The following ZBTB48 variants were observed in gnomAD, a reference collection of about 807,000 sequenced individuals.
The protein encoded by ZBTB48 is zinc finger and BTB domain containing 48, also known as zinc finger and BTB domain-containing protein 48.
Under a neutral mutation model 64.5 loss-of-function variants are expected in ZBTB48, and 35 were observed. The ratio of observed to expected loss-of-function variants is 0.54; its 90% CI spans 0.41 to 0.72. The LOEUF (loss-of-function observed/expected upper bound fraction) is 0.72. Among genes scored for constraint, ZBTB48 ranks in the 30% least tolerant of loss-of-function variants. The pLI, the probability that ZBTB48 is intolerant of heterozygous loss-of-function variation, is 0.00. For synonymous variants in ZBTB48, 442 were observed against 356.7 expected (o/e 1.24, Z -2.70); for missense variants, 828 against 895.3 (o/e 0.92, Z 0.96).
intron 3 of ZBTB48, chr1:6,585,395 T>A (rs552937374): frequency 6.4e-6 from 1 of 157,242 alleles, no homozygotes; most frequent in South Asian, 1.9e-4. Flanking sequence ...GGGGAAGCAC[T>A]GGGGATACGT....
In ZBTB48 at chr1:6,585,989, C is replaced by G. The variant is rs1248778702; in HGVS notation, c.1003C>G (p.Leu335Val). 1.9e-6 allele frequency: 3 copies of G among 1,614,144 alleles called. No homozygotes were observed. The highest frequency in any genetic ancestry group is 2.5e-6 in the Non-Finnish European group (3 of 1,179,976). Residue 335 changes from leucine (L) to valine (V), a missense_variant, in exon 4 of 11, where the codon CTG (leucine) becomes GTG (valine). Coordinates refer to ENST00000377674, the MANE Select transcript of ZBTB48 (RefSeq NM_005341.4). ...GTGTTACTTTCGGAAGGAGAACCTCCTGGAGCATGAAGCCCGGAATTGCAT... is the reference window on the plus strand; with the variant it reads ...GTGTTACTTTCGGAAGGAGAACCTCGTGGAGCATGAAGCCCGGAATTGCAT... ...GKCYFRKENL[L>V]EHEARNCMNR... is the part of the protein sequence containing the mutation.
rs369912844 is a variant in ZBTB48 at position 6,585,928 on chromosome 1, T to C, written c.942T>C (p.Thr314=). 9 of 1,613,856 alleles carry C rather than the reference T, an allele frequency of 5.6e-6. No homozygotes were observed. The highest frequency in any genetic ancestry group is 6.8e-6 in the Non-Finnish European group (8 of 1,179,924). Residue 314 remains threonine, a synonymous_variant, in exon 4 of 11, where the codon ACT becomes ACC. Coordinates refer to ENST00000377674, the MANE Select transcript of ZBTB48 (RefSeq NM_005341.4). The part of the protein sequence containing the change: ...YYLKVHNRKH[T]GEKPFECPKC... The stretch of plus-strand genomic sequence containing the variant: ...TGGCTTCTCCTGGCAGGAAACATAC[T>C]GGGGAGAAACCCTTTGAGTGTCCCA...
In ZBTB48 at chr1:6,580,640, AG is replaced by A; in HGVS notation, c.34del (p.Val12PhefsTer97). On this transcript the variant is annotated frameshift_variant, in exon 2 of 11. Coordinates refer to ENST00000377674, the MANE Select transcript of ZBTB48 (RefSeq NM_005341.4). LOFTEE classifies it high-confidence loss of function. The surrounding 1 kb of genome is among the most constrained non-coding windows in gnomAD (Gnocchi z 5.2). ...CGGCTCCTTCGTCCAGCACAGTGTG[AG>A]GGTTCTGCAGGAGCTCAACAAGCAG... MDGSFVQHSV[R>X]VLQELNKQRE... 1 of 1,613,818 alleles carries A rather than the reference AG, an allele frequency of 6.2e-7. No individual in the cohort carries two copies. The highest frequency in any genetic ancestry group is 1.3e-5 in the African/African-American group (1 of 74,986).
At chr1:6,585,348 T>G (rs1640620468) in intron 3 of ZBTB48, 2 of 154,464 alleles carry the variant, frequency 1.3e-5, no homozygotes, top group African/African-American at 4.8e-5. Context: ...GAGGGCTGCC[T>G]GCGCCTTGAT....
rs1209615736 is a variant in ZBTB48 at position 6,589,209 on chromosome 1, A to G, written c.2064A>G (p.Thr688=). The part of the protein sequence containing the change: ...ITAAVPEDCD[T] ...CTGCTGTCCCCGAGGACTGTGACAC[A>G]TAGCCCATTCTGGCCACCAGAGCCC... is the stretch of plus-strand genomic sequence containing the variant. Residue 688 remains threonine, a synonymous_variant, in exon 11 of 11, where the codon ACA becomes ACG. Transcript: ENST00000377674. The G allele has an allele frequency of 2.0e-6, 3 of 1,507,442 alleles. No homozygotes were observed. Among genetic ancestry groups the G allele is most frequent in the East Asian group, 2.3e-5 (1 of 43,178 alleles). 93.4% of individuals were successfully genotyped at this position (1,507,442 alleles called of 1,614,324 possible). A position where few individuals can be genotyped will look rare whatever the true frequency, so the allele number is the denominator to read the frequency against.
Position 6,580,236 on chromosome 1 carries a change from C to T in ZBTB48, c.-70+100C>T, listed in dbSNP as rs1409086442. 1 of 219,236 alleles carries T rather than the reference C, an allele frequency of 4.6e-6. No homozygotes were observed. Among genetic ancestry groups the T allele is most frequent in the Non-Finnish European group, 9.2e-6 (1 of 108,320 alleles). 13.6% of individuals were successfully genotyped at this position (219,236 alleles called of 1,614,324 possible). On this transcript the variant is annotated intron_variant, in intron 1 of 10. Coordinates refer to ENST00000377674, the MANE Select transcript of ZBTB48 (RefSeq NM_005341.4). This position sits in a 1 kb window ranked among gnomAD's most constrained non-coding sequence, Gnocchi z 5.2. ...CTGTGGGCGCGGCGTGGGCTTCGCT[C>T]ACCTGTCCCCGGCTGCCGCCCTCCG...
Position 6,580,814 on chromosome 1 carries a change from T to C in ZBTB48, c.205T>C (p.Phe69Leu), listed in dbSNP as rs1238310647. The change falls in exon 2 of 11, where the codon TTC becomes CTC. Residue 69 changes from phenylalanine to leucine, a missense_variant. Transcript: ENST00000377674. This position sits in a 1 kb window ranked among gnomAD's most constrained non-coding sequence, Gnocchi z 5.2. ...GGGCAGTGTCGTCCTCCCTGCTGGC[T>C]TCGCTGAGATCTTTGGCCTCTTGTT... ...SGGSVVLPAG[F>L]AEIFGLLLDF... is the part of the protein sequence containing the mutation. 4 of 1,614,220 alleles carry C rather than the reference T, an allele frequency of 2.5e-6. No homozygotes were observed. Among genetic ancestry groups the C allele is most frequent in the South Asian group, 1.1e-5 (1 of 91,092 alleles).
In ZBTB48 at chr1:6,580,243, C is replaced by G. The variant is rs937550445; in HGVS notation, c.-70+107C>G. ...CGCGGCGTGGGCTTCGCTCACCTGT[C>G]CCCGGCTGCCGCCCTCCGCCGTCCG... On this transcript the variant is annotated intron_variant, in intron 1 of 10. Coordinates refer to ENST00000377674, the MANE Select transcript of ZBTB48 (RefSeq NM_005341.4). The surrounding 1 kb of genome is among the most constrained non-coding windows in gnomAD (Gnocchi z 5.2). 2.6e-4 allele frequency: 59 copies of G among 225,880 alleles called. No individual in the cohort carries two copies. Among genetic ancestry groups the G allele is most frequent in the Non-Finnish European group, 4.5e-4 (51 of 112,380 alleles). 14.0% of individuals were successfully genotyped at this position (225,880 alleles called of 1,614,324 possible). A position where few individuals can be genotyped will look rare whatever the true frequency, so the allele number is the denominator to read the frequency against.
rs5772241 is a variant in ZBTB48 at position 6,580,376 on chromosome 1, TC to T, written c.-69-163del. ...CCTTCTTCACGACCCTGGCCCCCCA[TC>T]CAGCATCCCCCCTGGCCAATCCAAT... On this transcript the variant is annotated intron_variant, in intron 1 of 10. Coordinates refer to ENST00000377674, the MANE Select transcript of ZBTB48 (RefSeq NM_005341.4). This position sits in a 1 kb window ranked among gnomAD's most constrained non-coding sequence, Gnocchi z 5.2. Among the ~76,000 whole-genome samples, 26,810 of 151,796 alleles carry T rather than the reference TC, an allele frequency of 0.18. 2,442 individuals carry two copies. The highest frequency in any genetic ancestry group is 0.2 in the Middle Eastern group (60 of 294).
intron 3 of ZBTB48, 105 bp from the exon 4 acceptor site, chr1:6,585,814 C>A: frequency 9.2e-7 from 1 of 1,086,696 alleles, no homozygotes; most frequent in Non-Finnish European, 1.4e-6. Flanking sequence ...GCCGGTGTCA[C>A]CTGAGAACAC....
rs573579611 is a variant in ZBTB48 at position 6,581,954 on chromosome 1, A to G, written c.691-104A>G. The stretch of plus-strand genomic sequence containing the variant: ...CTGAAGGAACTTGTCTGATGAAGGG[A>G]CTTGTCAGGGTTGGGGCTTGGGATG... On this transcript the variant is annotated intron_variant, in intron 2 of 10. Coordinates refer to ENST00000377674, the MANE Select transcript of ZBTB48 (RefSeq NM_005341.4). 13 of 1,529,592 alleles carry G rather than the reference A, an allele frequency of 8.5e-6. No individual in the cohort carries two copies. The South Asian group carries it at 1.3e-4, about 16-fold the overall frequency. 94.8% of individuals were successfully genotyped at this position (1,529,592 alleles called of 1,614,324 possible). A position where few individuals can be genotyped will look rare whatever the true frequency, so the allele number is the denominator to read the frequency against.
In ZBTB48 at chr1:6,580,912, G is replaced by A. The variant is rs1640423544; in HGVS notation, c.303G>A (p.Glu101=). 1 of 1,614,088 alleles carries A rather than the reference G, an allele frequency of 6.2e-7. No individual in the cohort carries two copies. Among genetic ancestry groups the A allele is most frequent in the Non-Finnish European group, 8.5e-7 (1 of 1,180,048 alleles). The part of the protein sequence containing the change: ...NRDQVLLAAR[E]LRVPEAVELC... Reference sequence around the variant, plus strand: ...ATCAGGTGCTCCTGGCAGCCAGGGAGTTGCGAGTGCCAGAGGCCGTAGAGC... The same window carrying A: ...ATCAGGTGCTCCTGGCAGCCAGGGAATTGCGAGTGCCAGAGGCCGTAGAGC... Residue 101 remains glutamate (E), a synonymous_variant, in exon 2 of 11, where the codon GAG becomes GAA. Transcript: ENST00000377674. The surrounding 1 kb of genome is among the most constrained non-coding windows in gnomAD (Gnocchi z 5.2).
rs11587737 is a variant in ZBTB48, at chr1:6,585,219, G to C, written c.933-700G>C. ...CAAGTGGGTGACTGGGGAGCATCTG[G>C]GCAGAGAGAAGAGCCAGGGCGCTGG... On this transcript the variant is annotated intron_variant, in intron 3 of 10. Coordinates refer to ENST00000377674, the MANE Select transcript of ZBTB48 (RefSeq NM_005341.4). 4.6e-3 allele frequency: 701 copies of C among 152,838 alleles called. 2 individuals are homozygous for C. The highest frequency in any genetic ancestry group is 0.018 in the South Asian group (89 of 4,840). 9.5% of individuals were successfully genotyped at this position (152,838 alleles called of 1,614,324 possible). A position where few individuals can be genotyped will look rare whatever the true frequency, so the allele number is the denominator to read the frequency against.
chr1:6,581,157 G>A lies in ZBTB48; in HGVS notation c.548G>A (p.Ser183Asn). ...CCCCAGCTCCATTCCCCAGCTCAGA[G>A]TGAGGGCCCCTCCTCCCTCTGTGGG... ...QRPQLHSPAQSEGPSSLCGKL... is the reference protein window; with the variant it reads ...QRPQLHSPAQNEGPSSLCGKL... Residue 183 changes from serine (S) to asparagine (N), a missense_variant, in exon 2 of 11, where the codon AGT becomes AAT. Ser to Asn is a conservative substitution (Grantham distance 46). Transcript: ENST00000377674. 1 of 1,613,538 alleles carries A rather than the reference G, an allele frequency of 6.2e-7. No individual in the cohort carries two copies. Among genetic ancestry groups the A allele is most frequent in the Non-Finnish European group, 8.5e-7 (1 of 1,180,034 alleles).
chr1:6,587,931 G>A lies in ZBTB48; in HGVS notation c.1380-129G>A, dbSNP rs777007675. 2.4e-4 allele frequency: 314 copies of A among 1,309,048 alleles called. 1 individual carries two copies. The highest frequency in any genetic ancestry group is 3.1e-4 in the Non-Finnish European group (300 of 958,986). 81.1% of individuals were successfully genotyped at this position (1,309,048 alleles called of 1,614,324 possible). ...TCATAGATTGTCCTTCTGCTCTCGG[G>A]GTGGAGGTGGTGCCCCTTTCCTAGC... On this transcript the variant is annotated intron_variant, in intron 7 of 10. Transcript: ENST00000377674.
Position 6,580,391 on chromosome 1 carries a change from G to C in ZBTB48, c.-69-150G>C, listed in dbSNP as rs1570150769. ...TGGCCCCCCATCCAGCATCCCCCCT[G>C]GCCAATCCAATATGGCCCCCGGCCC... On this transcript the variant is annotated intron_variant, in intron 1 of 10. Coordinates refer to ENST00000377674, the MANE Select transcript of ZBTB48 (RefSeq NM_005341.4). The surrounding 1 kb of genome is among the most constrained non-coding windows in gnomAD (Gnocchi z 5.2). The C allele has an allele frequency of 1.7e-6, 1 of 593,588 alleles. No homozygotes were observed. Among genetic ancestry groups the C allele is most frequent in the South Asian group, 2.1e-5 (1 of 47,322 alleles). The allele number at this position is 593,588 out of a possible 1,614,324, so 36.8% of individuals were successfully genotyped here. A position where few individuals can be genotyped will look rare whatever the true frequency, so the allele number is the denominator to read the frequency against.
rs767377141 is a variant in ZBTB48, at chr1:6,588,911, G to A, written c.1771-5G>A. On this transcript the variant is annotated splice_polypyrimidine_tract_variant and splice_region_variant and intron_variant, in intron 10 of 10. Transcript: ENST00000377674. The stretch of plus-strand genomic sequence containing the variant: ...CCAAAGTTCTGAGCTCACCCTCCCC[G>A]CCAGGCCCACCTGCGGAGGCACATG... The A allele has an allele frequency of 5.6e-6, 9 of 1,613,486 alleles. No individual in the cohort carries two copies. Among genetic ancestry groups the A allele is most frequent in the East Asian group, 4.5e-5 (2 of 44,888 alleles).
In ZBTB48 at chr1:6,586,648, C is replaced by T. The variant is rs749928068; in HGVS notation, c.1045-47C>T. 13 of 1,495,920 alleles carry T rather than the reference C, an allele frequency of 8.7e-6. No homozygotes were observed. The South Asian group carries it at 1.8e-4, about 21-fold the overall frequency. 92.7% of individuals were successfully genotyped at this position (1,495,920 alleles called of 1,614,324 possible). A position where few individuals can be genotyped will look rare whatever the true frequency, so the allele number is the denominator to read the frequency against. On this transcript the variant is annotated intron_variant, in intron 4 of 10. Coordinates refer to ENST00000377674, the MANE Select transcript of ZBTB48 (RefSeq NM_005341.4). ...CCCGGGCAGAGGCTGCTGTCATAGGCAGAGGCCCCCGCTGATGCCGGCCCT... is the reference window on the plus strand; with the variant it reads ...CCCGGGCAGAGGCTGCTGTCATAGGTAGAGGCCCCCGCTGATGCCGGCCCT...
In ZBTB48 at chr1:6,586,705, GCT is replaced by G. The variant is rs1309090100; in HGVS notation, c.1058_1059del (p.Ser353CysfsTer73). ...CCCTCACACTGCCAGGTCTTCACGTGCTCTGTGTGCCAGGAGACATTCCGCCG... is the reference window on the plus strand; with the variant it reads ...CCCTCACACTGCCAGGTCTTCACGTGCTGTGTGCCAGGAGACATTCCGCCG... On this transcript the variant is annotated frameshift_variant, in exon 5 of 11. Transcript: ENST00000377674. LOFTEE classifies it high-confidence loss of function. The G allele has an allele frequency of 6.4e-7, 1 of 1,559,890 alleles. No individual in the cohort carries two copies. Among genetic ancestry groups the G allele is most frequent in the Non-Finnish European group, 8.7e-7 (1 of 1,151,654 alleles).
Sources: gnomAD v4.1 joint callset for allele counts (sites outside exome capture counted in the v4.1 genomes callset) on GRCh38, gnomAD v4.1.1 for gene constraint, Gnocchi (gnomAD v3.1) non-coding constraint, MANE v1.5 for transcripts, NCBI Gene and HGNC (gene_info 2026-07-23, HGNC 2026-07-21) for gene names.